PLEKHM3: variants seen among roughly 807,000 people sequenced by gnomAD.
The protein encoded by PLEKHM3 is pleckstrin homology domain-containing family M member 3.
Under a neutral mutation model 81.8 loss-of-function variants are expected in PLEKHM3, and 45 were observed. The ratio of observed to expected loss-of-function variants is 0.55; its 90% CI spans 0.43 to 0.71. The LOEUF (loss-of-function observed/expected upper bound fraction) is 0.71. PLEKHM3 is among the 30% of genes least tolerant of loss of function. The pLI is 0.00. For synonymous variants in PLEKHM3, 352 were observed against 356.4 expected (o/e 0.99, Z 0.14); for missense variants, 788 against 924.3 (o/e 0.85, Z 1.91).
In PLEKHM3 at chr2:207,828,413, T is replaced by C. The variant is rs766346203; in HGVS notation, c.2192A>G (p.Gln731Arg). The part of the protein sequence containing the change: ...PCPRCVRREL[Q>R]KKQKSFWQRL... The stretch of plus-strand genomic sequence containing the variant: ...CTGCCAGAAAGACTTCTGCTTCTTC[T>C]GCAGCTCTCGGCGAACACACCTCGG... The change falls in exon 8 of 8, where the codon CAG becomes CGG. Residue 731 changes from glutamine to arginine, a missense_variant. Coordinates refer to ENST00000427836, the MANE Select transcript of PLEKHM3 (RefSeq NM_001080475.3). 10 of 1,614,142 alleles carry C rather than the reference T, an allele frequency of 6.2e-6. No individual in the cohort carries two copies. The South Asian group carries it at 1.1e-4, about 18-fold the overall frequency.
chr2:207,986,977 C>T (rs1691746411), intron 2 of PLEKHM3, among the ~76,000 whole-genome samples: 1 of 151,900 alleles, frequency 6.6e-6, no homozygotes, highest in Non-Finnish European at 1.5e-5. Flanking sequence ...ACTACACTCG[C>T]CCTCCATCAA....
intron 5 of PLEKHM3, among the ~76,000 whole-genome samples, chr2:207,911,721 T>C (rs1174590406): frequency 6.6e-6 from 1 of 152,230 alleles, no homozygotes; most frequent in Non-Finnish European, 1.5e-5. Flanking sequence ...GAAAGCAATG[T>C]GGCAGCAGTG....
chr2:207,900,298 C>T (rs1328343187), intron 6 of PLEKHM3: 1 of 152,180 alleles, frequency 6.6e-6, no homozygotes. Flanking sequence ...TCTATGAGGG[C>T]TAATCTGGAC....
In PLEKHM3 at chr2:207,832,398, C is replaced by T. The variant is rs1450231639; in HGVS notation, c.2109-3902G>A. ...TCTCTTACATAAGATTTATGGAGCC[C>T]TGTAATAAAAATGTAAAGTTCAGGA... is the stretch of plus-strand genomic sequence containing the variant. On this transcript the variant is annotated intron_variant, in intron 7 of 7. Transcript: ENST00000427836. Among the ~76,000 whole-genome samples the T allele has an allele frequency of 1.3e-5, 2 of 151,966 alleles. 1 individual carries two copies. Among genetic ancestry groups the T allele is most frequent in the Non-Finnish European group, 2.9e-5 (2 of 67,996 alleles).
intron 4 of PLEKHM3, among the ~76,000 whole-genome samples, chr2:207,944,862 C>G (rs894831358): frequency 6.6e-5 from 10 of 152,140 alleles, no homozygotes; most frequent in Non-Finnish European, 1.5e-5. Context: ...AGAAAACATA[C>G]GGTTATTTTT....
At chr2:207,911,404 C>T (rs1688805771) in intron 5 of PLEKHM3, among the ~76,000 whole-genome samples, 1 of 152,168 alleles carries the variant, frequency 6.6e-6, no homozygotes, top group African/African-American at 2.4e-5. Flanking sequence ...TATCCAGCTT[C>T]CCCTAATGCT....
intron 3 of PLEKHM3, among the ~76,000 whole-genome samples, chr2:207,949,904 A>C (rs1690274699): frequency 6.6e-6 from 1 of 152,208 alleles, no homozygotes; most frequent in South Asian, 2.1e-4. Context: ...TTCTGGATGC[A>C]ACACACATAG....
At chr2:207,956,446 T>C (rs1335549065) in intron 3 of PLEKHM3, among the ~76,000 whole-genome samples, 1 of 151,810 alleles carries the variant, frequency 6.6e-6, no homozygotes, top group South Asian at 2.1e-4. Flanking sequence ...GCACTCCAGC[T>C]TGGGCAACGG....
intron 6 of PLEKHM3, among the ~76,000 whole-genome samples, chr2:207,906,568 C>G (rs1425855195): frequency 6.6e-6 from 1 of 152,116 alleles, no homozygotes; most frequent in Non-Finnish European, 1.5e-5. Context: ...GCAGGCGGAT[C>G]ACTTGAGGTC....
At chr2:207,863,968 T>C (rs2092482332) in intron 6 of PLEKHM3, among the ~76,000 whole-genome samples, 1 of 151,594 alleles carries the variant, frequency 6.6e-6, no homozygotes, top group Admixed American at 6.6e-5. Flanking sequence ...AGTTTATATA[T>C]ATATATATAA....
chr2:207,930,516 A>T (rs937336972), intron 5 of PLEKHM3, among the ~76,000 whole-genome samples: 4 of 152,144 alleles, frequency 2.6e-5, no homozygotes, highest in African/African-American at 9.7e-5. Context: ...CTTTTTAGTT[A>T]TGAACTATTT....
At chr2:207,975,246 C>T (rs986758586) in intron 3 of PLEKHM3, among the ~76,000 whole-genome samples, 7 of 152,294 alleles carry the variant, frequency 4.6e-5, no homozygotes, top group South Asian at 4.1e-4. Flanking sequence ...TCAGTCCTCA[C>T]TCTGGGTAAT....
At position 207,946,505 on chromosome 2, in the gene PLEKHM3, C is replaced by T. The variant is rs1559250445; in HGVS notation, c.1554G>A (p.Gln518=). 6.2e-7 allele frequency: 1 copy of T among 1,613,820 alleles called. No individual in the cohort carries two copies. The highest frequency in any genetic ancestry group is 8.5e-7 in the Non-Finnish European group (1 of 1,179,806). ...TCCCATTGGAAAGACCTATGGATCG[C>T]TGGCAGCCTGTTCAAGGAAAAAGGA... ...TAQSFKCAGC[Q]RSIGLSNGKA... The change falls in exon 4 of 8, where the codon CAG becomes CAA. Residue 518 remains glutamine (Q), a synonymous_variant. Coordinates refer to ENST00000427836, the MANE Select transcript of PLEKHM3 (RefSeq NM_001080475.3).
chr2:208,002,478 T>C (rs1206468169), intron 1 of PLEKHM3, among the ~76,000 whole-genome samples: 1 of 152,160 alleles, frequency 6.6e-6, no homozygotes, highest in Non-Finnish European at 1.5e-5. Context: ...TTAGATTATA[T>C]AATGCTTGAT....
At chr2:207,832,672 A>G (rs1484780882) in intron 7 of PLEKHM3, among the ~76,000 whole-genome samples, 1 of 151,976 alleles carries the variant, frequency 6.6e-6, no homozygotes, top group Non-Finnish European at 1.5e-5. Flanking sequence ...TGTGCCTGTA[A>G]TCCCAGCTAC....
intron 3 of PLEKHM3, among the ~76,000 whole-genome samples, chr2:207,946,855 C>G (rs1452086836): frequency 1.3e-5 from 2 of 152,164 alleles, no homozygotes; most frequent in Non-Finnish European, 2.9e-5. Context: ...CCATTTCCAC[C>G]AGGCACTTTG....
At chr2:207,881,839 C>T (rs953652224) in intron 6 of PLEKHM3, among the ~76,000 whole-genome samples, 3 of 152,080 alleles carry the variant, frequency 2.0e-5, no homozygotes, top group Non-Finnish European at 4.4e-5. Context: ...GGGAGGGAAG[C>T]CCTTGCTGCT....
intron 2 of PLEKHM3, among the ~76,000 whole-genome samples, chr2:208,000,105 A>G (rs949518544): frequency 6.6e-5 from 10 of 152,242 alleles, no homozygotes; most frequent in Non-Finnish European, 8.8e-5. Flanking sequence ...TCATGAGTAC[A>G]TATTCATGTG....
chr2:207,884,379 G>T (rs546581694), intron 6 of PLEKHM3, among the ~76,000 whole-genome samples: 2 of 152,128 alleles, frequency 1.3e-5, no homozygotes, highest in East Asian at 3.8e-4. Flanking sequence ...ACTACAGAAT[G>T]GAAAGGAAGA....
Sources: gnomAD v4.1 joint callset for allele counts (sites outside exome capture counted in the v4.1 genomes callset) on GRCh38, gnomAD v4.1.1 for gene constraint, MANE v1.5 for transcripts, NCBI Gene and HGNC (gene_info 2026-07-23, HGNC 2026-07-21) for gene names.